TBCD: variants seen among roughly 807,000 people sequenced by gnomAD.
TBCD encodes the protein tubulin-specific chaperone D.
A neutral mutation model predicts 169.3 loss-of-function variants in TBCD; 105 were observed. That is an observed-to-expected ratio of 0.62 (90% CI 0.53 to 0.73). The LOEUF is 0.73. Among genes scored for constraint, TBCD ranks in the 30% least tolerant of loss-of-function variants. The probability of loss-of-function intolerance (pLI) is 0.00; values close to 1 mark genes in which losing one functional copy is unlikely to be tolerated. For missense variants in TBCD, 1,444 were observed against 1,600.1 expected, an observed-to-expected ratio of 0.90 and a Z score of 1.66; for synonymous variants, 700 against 643.9, an observed-to-expected ratio of 1.09 and a Z score of -1.32.
intron 8 of TBCD, among the ~76,000 whole-genome samples, 160 bp downstream of exon 8, chr17:82,797,962 CTTTTTTTTTTTTTTTTTTTTT>C (rs60671571): frequency 6.1e-5 from 3 of 49,018 alleles, no homozygotes; most frequent in Non-Finnish European, 1.1e-4. Flanking sequence ...AGTAACTGAA[CTTTTTTTTTTTTTTTTTTTTT>C]TTTTTTTTTT....
chr17:82,905,475 G>T (rs1250467462), intron 19 of TBCD, among the ~76,000 whole-genome samples: 3 of 145,390 alleles, frequency 2.1e-5, no homozygotes, highest in Non-Finnish European at 4.6e-5. Context: ...GCGTCCCACA[G>T]GTCGTCCGTG....
In TBCD at chr17:82,809,674, GT is replaced by G. The variant is rs771711660; in HGVS notation, c.1149-33del. On this transcript the variant is annotated intron_variant, in intron 11 of 38. Coordinates refer to ENST00000355528, the MANE Select transcript of TBCD (RefSeq NM_005993.5). ...GCATGCCCTTGGCGACAGGCTGGTGGTGCCCCTGACGGATTGCTGCGTTTCT... is the reference window on the plus strand; with the variant it reads ...GCATGCCCTTGGCGACAGGCTGGTGGGCCCCTGACGGATTGCTGCGTTTCT... 3.7e-6 allele frequency: 6 copies of G among 1,606,126 alleles called. No homozygotes were observed. In the East Asian group the frequency reaches 1.3e-4, roughly 36 times the overall value.
chr17:82,909,396 C>G (rs1302832860), intron 22 of TBCD, 89 bp downstream of exon 22: 1 of 1,116,444 alleles, frequency 9.0e-7, no homozygotes, highest in Non-Finnish European at 1.3e-6. Flanking sequence ...TGTTCGCTTC[C>G]CTCTCTGCCT....
rs1016811776 is a variant in TBCD, at chr17:82,940,839, C to T, written c.3480-560C>T. 3.9e-5 allele frequency among the ~76,000 whole-genome samples: 6 copies of T among 152,098 alleles called. No homozygotes were observed. In the East Asian group the frequency reaches 7.7e-4, roughly 20 times the overall value. ...GACTGAAGAAGCCAGGTGTCCCGAG[C>T]GGGGCGAGGCCTCCTCCAGCGAGGC... On this transcript the variant is annotated intron_variant, in intron 37 of 38. Transcript: ENST00000355528.
Position 82,805,965 on chromosome 17 carries a change from TGAC to T in TBCD, c.1047_1049del (p.Asp349del). ...AGAAGCCACTCATCCTGACCGAAGA[TGAC>T]GACGAAGATGACGACGTCCCAGAGG... is the stretch of plus-strand genomic sequence containing the variant. On this transcript the variant is annotated inframe_deletion, in exon 10 of 39. Coordinates refer to ENST00000355528, the MANE Select transcript of TBCD (RefSeq NM_005993.5). The T allele has an allele frequency of 6.2e-7, 1 of 1,613,540 alleles. No homozygotes were observed. The highest frequency in any genetic ancestry group is 2.2e-5 in the East Asian group (1 of 44,868).
At position 82,832,764 on chromosome 17, in the gene TBCD, T is replaced by C. The variant is rs1390308719; in HGVS notation, c.1318+17830T>C. On this transcript the variant is annotated intron_variant, in intron 13 of 38. Coordinates refer to ENST00000355528, the MANE Select transcript of TBCD (RefSeq NM_005993.5). This position sits in a 1 kb window ranked among gnomAD's most constrained non-coding sequence, Gnocchi z 4.9. ...CTGAAGGGCTGAAACTGCCTGCTCC[T>C]GAGGGGAGCAGCTGCCGGTCACAGA... The C allele has an allele frequency of 2.3e-6, 1 of 444,066 alleles. No individual in the cohort carries two copies. Among genetic ancestry groups the C allele is most frequent in the African/African-American group, 2.0e-5 (1 of 50,336 alleles). 27.5% of individuals were successfully genotyped at this position (444,066 alleles called of 1,614,324 possible).
Position 82,864,122 on chromosome 17 carries a change from C to T in TBCD, c.1319-6102C>T, listed in dbSNP as rs966984387. On this transcript the variant is annotated intron_variant, in intron 13 of 38. Coordinates refer to ENST00000355528, the MANE Select transcript of TBCD (RefSeq NM_005993.5). The surrounding 1 kb of genome is among the most constrained non-coding windows in gnomAD (Gnocchi z 6.3). ...CTGTTGACGCTCCACAGGAGGTTTGCGGCATGGCTGCCATCTGTGTTGTGG... is the reference window on the plus strand; with the variant it reads ...CTGTTGACGCTCCACAGGAGGTTTGTGGCATGGCTGCCATCTGTGTTGTGG... Among the ~76,000 whole-genome samples, 12 of 152,226 alleles carry T rather than the reference C, an allele frequency of 7.9e-5. No homozygotes were observed. Among genetic ancestry groups the T allele is most frequent in the African/African-American group, 2.4e-4 (10 of 41,456 alleles).
At chr17:82,886,870 A>G (rs1157526199) in intron 15 of TBCD, among the ~76,000 whole-genome samples, 4 of 151,012 alleles carry the variant, frequency 2.6e-5, no homozygotes, top group Non-Finnish European at 5.9e-5. Flanking sequence ...GGGTTTCACC[A>G]TGTTGGCCAG....
intron 17 of TBCD, among the ~76,000 whole-genome samples, chr17:82,899,318 AGC>A (rs1358370310): frequency 1.4e-5 from 2 of 145,252 alleles, no homozygotes; most frequent in African/African-American, 5.2e-5. Context: ...ACGTGTCCTC[AGC>A]GCGCGCGTCC....
chr17:82,834,266 A>T (rs115874992), intron 13 of TBCD, among the ~76,000 whole-genome samples: 1,549 of 152,276 alleles, frequency 0.01, 33 homozygotes, highest in African/African-American at 0.035. Context: ...AGGCTTTGAG[A>T]GTCTGGGACT....
At chr17:82,821,911 A>G (rs536189958) in intron 13 of TBCD, among the ~76,000 whole-genome samples, 1 of 152,364 alleles carries the variant, frequency 6.6e-6, no homozygotes, top group East Asian at 1.9e-4. Flanking sequence ...AAAAATTTTA[A>G]TAAACATTAA....
In TBCD at chr17:82,835,498, C is replaced by T. The variant is rs1160741749; in HGVS notation, c.1318+20564C>T. Among the ~76,000 whole-genome samples the T allele has an allele frequency of 3.3e-5, 5 of 152,222 alleles. No homozygotes were observed. The highest frequency in any genetic ancestry group is 7.3e-5 in the Non-Finnish European group (5 of 68,040). ...AGGGCAGTGGTGCGATCTCGGTTCACTGCAACCTCTGCCTCCTGGGTTCAA... is the reference window on the plus strand; with the variant it reads ...AGGGCAGTGGTGCGATCTCGGTTCATTGCAACCTCTGCCTCCTGGGTTCAA... On this transcript the variant is annotated intron_variant, in intron 13 of 38. Coordinates refer to ENST00000355528, the MANE Select transcript of TBCD (RefSeq NM_005993.5). This position sits in a 1 kb window ranked among gnomAD's most constrained non-coding sequence, Gnocchi z 4.5.
intron 34 of TBCD, 196 bp from the exon 35 acceptor site, chr17:82,937,075 C>A: frequency 3.5e-6 from 2 of 576,616 alleles, no homozygotes; most frequent in Non-Finnish European, 6.2e-6. Flanking sequence ...GGTGGCACAG[C>A]CGCTAGGGAC....
intron 13 of TBCD, among the ~76,000 whole-genome samples, chr17:82,843,155 T>C (rs1301390553): frequency 6.6e-6 from 1 of 152,134 alleles, no homozygotes; most frequent in Admixed American, 6.5e-5. Context: ...CCTGATTCTT[T>C]CTCTCTTAAC....
At chr17:82,784,458 G>A (rs1474684753) in intron 7 of TBCD, among the ~76,000 whole-genome samples, 2 of 152,128 alleles carry the variant, frequency 1.3e-5, no homozygotes, top group Non-Finnish European at 2.9e-5. Flanking sequence ...TGAAGGGTAC[G>A]GGGGTGGAGG....
chr17:82,941,596 C>T, intron 38 of TBCD, 113 bp downstream of exon 38: 1 of 931,298 alleles, frequency 1.1e-6, no homozygotes, highest in Non-Finnish European at 1.6e-6. Context: ...GGCCCGTTCC[C>T]TCGTCTCATG....
intron 13 of TBCD, among the ~76,000 whole-genome samples, chr17:82,848,026 C>G (rs1475382723): frequency 6.6e-6 from 1 of 152,158 alleles, no homozygotes; most frequent in Non-Finnish European, 1.5e-5. Flanking sequence ...TTTTTCCTAC[C>G]AAGGCCCCTC....
At chr17:82,896,612 C>T (rs1485051876) in intron 17 of TBCD, among the ~76,000 whole-genome samples, 6 of 151,960 alleles carry the variant, frequency 3.9e-5, no homozygotes, top group African/African-American at 1.5e-4. Flanking sequence ...ACTACAGGCA[C>T]ACGCCACCAC....
chr17:82,893,206 T>A (rs1230691607), intron 16 of TBCD: 1 of 303,778 alleles, frequency 3.3e-6, no homozygotes, highest in Non-Finnish European at 6.2e-6. Context: ...GGTCAGTGGC[T>A]GTAACACTGT....
Sources: allele counts gnomAD v4.1 joint callset (sites outside exome capture counted in the v4.1 genomes callset), GRCh38; gene constraint gnomAD v4.1.1; non-coding constraint Gnocchi (gnomAD v3.1); transcripts MANE v1.5; gene names NCBI Gene and HGNC (gene_info 2026-07-23, HGNC 2026-07-21).